The following PLIN5 variants were observed in gnomAD, a reference collection of about 807,000 sequenced individuals.
The protein encoded by PLIN5 is perilipin 5.
Under a neutral mutation model 32.8 loss-of-function variants are expected in PLIN5, and 34 were observed. The ratio of observed to expected loss-of-function variants is 1.04; its 90% confidence interval spans 0.79 to 1.38. The LOEUF (loss-of-function observed/expected upper bound fraction) is 1.38, where lower values mean the gene tolerates loss of function less well. Among genes scored for constraint, PLIN5 ranks in the 40% most tolerant of loss-of-function variants. The pLI is 0.00. For synonymous variants in PLIN5, 309 were observed against 292.9 expected, an observed-to-expected ratio of 1.05 and a Z score of -0.56; for missense variants, 712 against 660.5, an observed-to-expected ratio of 1.08 and a Z score of -0.85.
intron 7 of PLIN5, among the ~76,000 whole-genome samples, chr19:4,524,341 G>A (rs1191126193): frequency 1.3e-5 from 2 of 152,158 alleles, no homozygotes; most frequent in African/African-American, 4.8e-5. Flanking sequence ...CACCTGAGGT[G>A]CGGAGTTCAA....
chr19:4,527,749 G>A (rs1237535631), intron 5 of PLIN5, among the ~76,000 whole-genome samples: 5 of 151,240 alleles, frequency 3.3e-5, no homozygotes, highest in African/African-American at 1.2e-4. Flanking sequence ...GGAGGCTGAG[G>A]CCGGAGAATC....
chr19:4,524,761 CATAA>C (rs138997147), intron 7 of PLIN5, among the ~76,000 whole-genome samples, 198 bp downstream of exon 7: 7,403 of 151,572 alleles, frequency 0.049, 596 homozygotes, highest in African/African-American at 0.17. Flanking sequence ...AAAATAAATA[CATAA>C]ATAAAACACA....
rs1976753047 is a variant in PLIN5, at chr19:4,523,261, G to A, written c.*267C>T. 1.3e-5 allele frequency: 5 copies of A among 395,764 alleles called. No homozygotes were observed. Among genetic ancestry groups the A allele is most frequent in the Non-Finnish European group, 2.2e-5 (5 of 223,254 alleles). 24.5% of individuals were successfully genotyped at this position (395,764 alleles called of 1,614,324 possible). On this transcript the variant is annotated 3_prime_UTR_variant, in exon 8 of 8. Coordinates refer to ENST00000381848, the MANE Select transcript of PLIN5 (RefSeq NM_001013706.3). The surrounding 1 kb of genome is among the most constrained non-coding windows in gnomAD (Gnocchi z 5.0). ...TTTGGATTCGCTTCATGGAGCCAGGGAGCAGGACATAGGTGAAGAACCCAG... is the reference window on the plus strand; with the variant it reads ...TTTGGATTCGCTTCATGGAGCCAGGAAGCAGGACATAGGTGAAGAACCCAG...
In PLIN5 at chr19:4,534,093, A is replaced by G. The variant is rs1568247078; in HGVS notation, c.-19T>C. ...CAGACATCGTGCTGCAAACAGGGTC[A>G]CCCTGCGGGGCAGGATTGAGTAAGG... On this transcript the variant is annotated splice_region_variant and 5_prime_UTR_variant, in exon 2 of 8. Transcript: ENST00000381848. The G allele has an allele frequency of 8.7e-6, 14 of 1,608,112 alleles. No homozygotes were observed. Among genetic ancestry groups the G allele is most frequent in the Non-Finnish European group, 1.2e-5 (14 of 1,177,382 alleles).
intron 3 of PLIN5, 83 bp from the exon 4 acceptor site, chr19:4,529,949 T>A: frequency 2.6e-6 from 2 of 784,306 alleles, no homozygotes; most frequent in Non-Finnish European, 4.0e-6. Flanking sequence ...AAGGAGGGAA[T>A]GCTAGAGAGA....
chr19:4,525,756 C>T lies in PLIN5; in HGVS notation c.597G>A (p.Val199=). The T allele has an allele frequency of 6.2e-7, 1 of 1,613,638 alleles. No individual in the cohort carries two copies. The highest frequency in any genetic ancestry group is 8.5e-7 in the Non-Finnish European group (1 of 1,180,036). ...TCCGTGCTGACAGGGAGCCGAGGCG[C>T]ACAAAGTAGCCCTGCTGTCTCCTCT... is the stretch of plus-strand genomic sequence containing the variant. ...EDQRRQQGYF[V]RLGSLSARIR... The change falls in exon 6 of 8, where the codon GTG becomes GTA. Residue 199 remains valine, a synonymous_variant. Coordinates refer to ENST00000381848, the MANE Select transcript of PLIN5 (RefSeq NM_001013706.3). This position sits in a 1 kb window ranked among gnomAD's most constrained non-coding sequence, Gnocchi z 5.6.
intron 2 of PLIN5, 160 bp downstream of exon 2, chr19:4,533,855 A>G: frequency 1.3e-6 from 1 of 785,742 alleles, no homozygotes; most frequent in East Asian, 2.7e-5. Flanking sequence ...AGCCCCCACT[A>G]GGAAATAGAC....
chr19:4,533,718 G>A (rs180821091), intron 2 of PLIN5: 1 of 512,070 alleles, frequency 2.0e-6, no homozygotes, highest in Non-Finnish European at 3.5e-6. Context: ...GCGCCATGAT[G>A]GTGGACGTGG....
chr19:4,529,242 TGAG>T lies in PLIN5; in HGVS notation c.348_350del (p.Ser117del), dbSNP rs140507757. ...CACTGCTGGCCACCACGTCCTTGGCTGAGGTCACCACCTGGAAGGAAGGGCCCC... is the reference window on the plus strand; with the variant it reads ...CACTGCTGGCCACCACGTCCTTGGCTGTCACCACCTGGAAGGAAGGGCCCC... On this transcript the variant is annotated inframe_deletion, in exon 5 of 8. Coordinates refer to ENST00000381848, the MANE Select transcript of PLIN5 (RefSeq NM_001013706.3). 1.8e-3 allele frequency: 2,941 copies of T among 1,604,934 alleles called. 51 individuals are homozygous for T. In the African/African-American group the frequency reaches 0.035, roughly 19 times the overall value.
chr19:4,528,211 CTCCCTGCTTT>C (rs567384546), intron 5 of PLIN5, among the ~76,000 whole-genome samples: 1 of 151,790 alleles, frequency 6.6e-6, no homozygotes, highest in Non-Finnish European at 1.5e-5. Context: ...GCCCGGCCGC[CTCCCTGCTTT>C]TCTGCTGAGG....
rs1429375048 is a variant in PLIN5, at chr19:4,535,218, T to G, written c.-75A>C. Reference sequence around the variant, plus strand: ...TGTCTCCGCCGACCCCAGGCTCGAGTCTCCACACCCCCGCCGGTCCCGCCC... The same window carrying G: ...TGTCTCCGCCGACCCCAGGCTCGAGGCTCCACACCCCCGCCGGTCCCGCCC... On this transcript the variant is annotated 5_prime_UTR_variant, in exon 1 of 8. Coordinates refer to ENST00000381848, the MANE Select transcript of PLIN5 (RefSeq NM_001013706.3). 1.3e-5 allele frequency: 2 copies of G among 150,636 alleles called. No homozygotes were observed. Among genetic ancestry groups the G allele is most frequent in the Non-Finnish European group, 2.9e-5 (2 of 68,004 alleles). The allele number at this position is 150,636 out of a possible 1,614,324, so 9.3% of individuals were successfully genotyped here. A position where few individuals can be genotyped will look rare whatever the true frequency, so the allele number is the denominator to read the frequency against.
chr19:4,523,627 A>C lies in PLIN5; in HGVS notation c.1293T>G (p.Asp431Glu). ...AEHRDGSGNG[D>E]GDRMGVAGDI... is the part of the protein sequence containing the mutation. ...CCCCGGCAACACCCATCCTGTCCCCATCCCCATTCCCACTCCCGTCCCTGT... is the reference window on the plus strand; with the variant it reads ...CCCCGGCAACACCCATCCTGTCCCCCTCCCCATTCCCACTCCCGTCCCTGT... Residue 431 changes from aspartate (D) to glutamate (E), a missense_variant, in exon 8 of 8, where the codon GAT becomes GAG. Asp to Glu is a conservative substitution (Grantham distance 45). Transcript: ENST00000381848. The surrounding 1 kb of genome is among the most constrained non-coding windows in gnomAD (Gnocchi z 5.0). 2 of 1,611,372 alleles carry C rather than the reference A, an allele frequency of 1.2e-6. No individual in the cohort carries two copies.
In PLIN5 at chr19:4,523,929, C is replaced by A. The variant is rs761157910; in HGVS notation, c.991G>T (p.Ala331Ser). Residue 331 changes from alanine (A) to serine (S), a missense_variant, in exon 8 of 8, where the codon GCT (alanine) becomes TCT (serine). Coordinates refer to ENST00000381848, the MANE Select transcript of PLIN5 (RefSeq NM_001013706.3). This position sits in a 1 kb window ranked among gnomAD's most constrained non-coding sequence, Gnocchi z 5.0. ...RSVDALQTAF[A>S]DARCFRDVPA... ...ACGTCCCTGAAGCAGCGGGCATCAG[C>A]GAAGGCGGTCTGCAGGGCATCCACA... The A allele has an allele frequency of 1.2e-5, 18 of 1,528,698 alleles. No individual in the cohort carries two copies. Among genetic ancestry groups the A allele is most frequent in the Non-Finnish European group, 6.1e-6 (7 of 1,146,342 alleles). The allele number at this position is 1,528,698 out of a possible 1,614,324, so 94.7% of individuals were successfully genotyped here.
chr19:4,527,632 G>A lies in PLIN5; in HGVS notation c.520+1441C>T, dbSNP rs1976823388. Reference sequence around the variant, plus strand: ...AGCACTTTGGGAAGTCAAGGCAGGTGGCTCACCTGAGGTCAGGAGTTTGGC... The same window carrying A: ...AGCACTTTGGGAAGTCAAGGCAGGTAGCTCACCTGAGGTCAGGAGTTTGGC... On this transcript the variant is annotated intron_variant, in intron 5 of 7. Coordinates refer to ENST00000381848, the MANE Select transcript of PLIN5 (RefSeq NM_001013706.3). Among the ~76,000 whole-genome samples, 4 of 150,930 alleles carry A rather than the reference G, an allele frequency of 2.7e-5. No individual in the cohort carries two copies. The South Asian group carries it at 6.3e-4, about 24-fold the overall frequency.
Position 4,523,712 on chromosome 19 carries a change from G to T in PLIN5, c.1208C>A (p.Pro403His). ...ADLVDEVIGG[P>H]DPRWAHLDWP... The stretch of plus-strand genomic sequence containing the variant: ...GTCCAGGTGCGCCCAGCGGGGGTCA[G>T]GGCCCCCGATGACCTCGTCCACCAG... Residue 403 changes from proline (P) to histidine (H), a missense_variant, in exon 8 of 8, where the codon CCT becomes CAT. Pro to His is a moderately conservative substitution (Grantham distance 77, BLOSUM62 -2). Transcript: ENST00000381848. This position sits in a 1 kb window ranked among gnomAD's most constrained non-coding sequence, Gnocchi z 5.0. 6.2e-7 allele frequency: 1 copy of T among 1,603,866 alleles called. No individual in the cohort carries two copies.
At chr19:4,529,577 CATAT>C (rs1479955658) in intron 4 of PLIN5, 4 of 497,438 alleles carry the variant, frequency 8.0e-6, no homozygotes, top group Middle Eastern at 5.2e-4. Context: ...CGTATATATA[CATAT>C]ATACACTATA....
At chr19:4,531,603 A>T in intron 3 of PLIN5, 24 bp downstream of exon 3, 1 of 1,482,106 alleles carries the variant, frequency 6.7e-7, no homozygotes, top group Non-Finnish European at 9.0e-7. Flanking sequence ...CACAGCTCCC[A>T]GGGACACGGG....
At chr19:4,531,501 G>T (rs557318212) in intron 3 of PLIN5, 126 bp downstream of exon 3, 387 of 935,508 alleles carry the variant, frequency 4.1e-4, no homozygotes, top group Non-Finnish European at 5.6e-4. Flanking sequence ...GCATGGCAGT[G>T]GGACAGGTGG....
At chr19:4,524,843 T>G in intron 7 of PLIN5, 120 bp downstream of exon 7, 3 of 754,892 alleles carry the variant, frequency 4.0e-6, no homozygotes, top group East Asian at 3.4e-5. Context: ...CAGCACTTGG[T>G]TTGAGATAGC....
Sources: gnomAD v4.1 joint callset for allele counts (sites outside exome capture counted in the v4.1 genomes callset) on GRCh38, gnomAD v4.1.1 for gene constraint, Gnocchi (gnomAD v3.1) non-coding constraint, MANE v1.5 for transcripts, NCBI Gene and HGNC (gene_info 2026-07-23, HGNC 2026-07-21) for gene names.